The following NXNL2 variants were observed in gnomAD, a reference collection of about 807,000 sequenced individuals.
NXNL2 encodes the protein nucleoredoxin-like protein 2.
A neutral mutation model predicts 11.1 loss-of-function variants in NXNL2; 7 were observed. The ratio of observed to expected loss-of-function variants is 0.63; its 90% CI spans 0.36 to 1.18. NXNL2 has a LOEUF of 1.18. Ranked by LOEUF, NXNL2 falls within the 50% of genes most tolerant of loss-of-function variation. The pLI is 0.02. For missense variants in NXNL2, 233 were observed against 217.7 expected, an observed-to-expected ratio of 1.07 and a Z score of -0.44; for synonymous variants, 109 against 101.8, an observed-to-expected ratio of 1.07 and a Z score of -0.42.
chr9:88,544,219 G>A (rs2118425931), intron 1 of NXNL2, among the ~76,000 whole-genome samples, 160 bp from the exon 2 acceptor site: 2 of 152,212 alleles, frequency 1.3e-5, no homozygotes, highest in South Asian at 4.2e-4. Flanking sequence ...CAAGAAGAAA[G>A]GAGCCCCCAC....
At position 88,535,362 on chromosome 9, in the gene NXNL2, C is replaced by T; in HGVS notation, c.-73C>T. Reference sequence around the variant, plus strand: ...GACAGAGGCGGGGCACCGCGGCGCTCGCCGCCGCCTCCCCGCAGGTGATCA... The same window carrying T: ...GACAGAGGCGGGGCACCGCGGCGCTTGCCGCCGCCTCCCCGCAGGTGATCA... On this transcript the variant is annotated 5_prime_UTR_variant, in exon 1 of 2. Transcript: ENST00000375854. 7.1e-7 allele frequency: 1 copy of T among 1,409,022 alleles called. No homozygotes were observed. The allele number at this position is 1,409,022 out of a possible 1,614,324, so 87.3% of individuals were successfully genotyped here. A position where few individuals can be genotyped will look rare whatever the true frequency, so the allele number is the denominator to read the frequency against.
chr9:88,571,222 T>C (rs562072495), intron 2 of NXNL2: 2 of 248,452 alleles, frequency 8.0e-6, no homozygotes, highest in South Asian at 3.7e-5. Flanking sequence ...CGTGCCACCA[T>C]GCCAGGCTAA....
At chr9:88,558,289 TG>T (rs1300561483) in intron 1 of NXNL2, among the ~76,000 whole-genome samples, 2 of 152,124 alleles carry the variant, frequency 1.3e-5, no homozygotes, top group African/African-American at 4.8e-5. Context: ...GAGCAGAGTT[TG>T]GGGAGTTTCT....
chr9:88,552,681 G>A (rs1829955247), intron 1 of NXNL2, among the ~76,000 whole-genome samples: 1 of 152,114 alleles, frequency 6.6e-6, no homozygotes, highest in Non-Finnish European at 1.5e-5. Flanking sequence ...GTGTTAGCCA[G>A]GATGGTCTCA....
intron 1 of NXNL2, among the ~76,000 whole-genome samples, chr9:88,569,083 C>A (rs957499621): frequency 1.3e-5 from 2 of 152,122 alleles, no homozygotes; most frequent in African/African-American, 4.8e-5. Context: ...TGCACCGCCA[C>A]ACCAGGATAA....
At chr9:88,553,268 C>T (rs973339722) in intron 1 of NXNL2, among the ~76,000 whole-genome samples, 6 of 152,152 alleles carry the variant, frequency 3.9e-5, no homozygotes, top group African/African-American at 1.4e-4. Flanking sequence ...ATTGATTGAA[C>T]CCGGGAAGCG....
intron 2 of NXNL2, among the ~76,000 whole-genome samples, chr9:88,574,468 A>C (rs1830319356): frequency 6.6e-6 from 1 of 152,202 alleles, no homozygotes; most frequent in Non-Finnish European, 1.5e-5. Context: ...TTGGTCCAGA[A>C]AGGAGGGACA....
chr9:88,539,927 C>A (rs13283454), intron 1 of NXNL2: 18,666 of 152,108 alleles, frequency 0.12, 2,623 homozygotes, highest in East Asian at 0.76. Context: ...AGGTGATGCA[C>A]CCATCTTGGC....
At chr9:88,544,125 C>T (rs761030770) in intron 1 of NXNL2, among the ~76,000 whole-genome samples, 3 of 152,108 alleles carry the variant, frequency 2.0e-5, no homozygotes, top group Non-Finnish European at 2.9e-5. Flanking sequence ...GAGCCGAGAT[C>T]GCGCCATTGC....
In NXNL2 at chr9:88,564,998, C is replaced by T. The variant is rs563921325; in HGVS notation, c.303-6089C>T. On this transcript the variant is annotated intron_variant, in intron 1 of 2. Transcript: ENST00000375855. ...TGTGGCACAGATGAAACTTCATATC[C>T]ATTGAGTAGCAACCTCCCATTTTCT... is the stretch of plus-strand genomic sequence containing the variant. 1.1e-4 allele frequency among the ~76,000 whole-genome samples: 16 copies of T among 152,258 alleles called. No homozygotes were observed. The South Asian group carries it at 3.3e-3, about 32-fold the overall frequency.
At chr9:88,536,133 A>C (rs1010221117) in intron 1 of NXNL2, among the ~76,000 whole-genome samples, 2 of 152,132 alleles carry the variant, frequency 1.3e-5, no homozygotes, top group African/African-American at 4.8e-5. Context: ...CCGCTGCGTC[A>C]TCCTCCCAGT....
At chr9:88,549,476 A>C (rs116949755), downstream of NXNL2, among the ~76,000 whole-genome samples, 2 of 152,140 alleles carry the variant, frequency 1.3e-5, no homozygotes, top group Non-Finnish European at 1.5e-5. Context: ...CCTCCATTCT[A>C]TATGTACTCA....
chr9:88,573,039 C>T (rs1400166696), intron 2 of NXNL2, among the ~76,000 whole-genome samples: 6 of 152,160 alleles, frequency 3.9e-5, no homozygotes, highest in East Asian at 1.9e-4. Context: ...CCTGAAGGGC[C>T]GATTTACCTG....
chr9:88,535,826 A>T (rs1280289113), intron 1 of NXNL2, 90 bp downstream of exon 1: 2 of 1,000,146 alleles, frequency 2.0e-6, no homozygotes, highest in South Asian at 1.7e-5. Flanking sequence ...GGAGCTCTTT[A>T]TGACGCCCCC....
At chr9:88,537,968 A>C (rs1829663190) in intron 1 of NXNL2, among the ~76,000 whole-genome samples, 1 of 152,356 alleles carries the variant, frequency 6.6e-6, no homozygotes, top group East Asian at 1.9e-4. Context: ...GGCAGGGACC[A>C]ACGCTGGTTG....
chr9:88,536,195 G>C (rs966369016), intron 1 of NXNL2, among the ~76,000 whole-genome samples: 5 of 152,164 alleles, frequency 3.3e-5, no homozygotes, highest in Admixed American at 3.3e-4. Context: ...GCGGGGATGA[G>C]GGATGACCCG....
At chr9:88,554,424 C>T (rs1829984758) in intron 1 of NXNL2, among the ~76,000 whole-genome samples, 4 of 152,146 alleles carry the variant, frequency 2.6e-5, no homozygotes, top group African/African-American at 9.7e-5. Flanking sequence ...AGGCTGGTCT[C>T]AAACTCCTGA....
intron 1 of NXNL2, among the ~76,000 whole-genome samples, chr9:88,542,641 G>A (rs1176046598): frequency 6.6e-6 from 1 of 152,162 alleles, no homozygotes; most frequent in Non-Finnish European, 1.5e-5. Context: ...GTCTGATTAA[G>A]TGATCTATAT....
intron 1 of NXNL2, among the ~76,000 whole-genome samples, chr9:88,563,649 T>C (rs866849100): frequency 2.4e-4 from 37 of 152,160 alleles, no homozygotes; most frequent in African/African-American, 8.9e-4. Flanking sequence ...TCAGTGCCTT[T>C]AGACTAAAGT....
Sources: gnomAD v4.1 joint callset for allele counts (sites outside exome capture counted in the v4.1 genomes callset) on GRCh38, gnomAD v4.1.1 for gene constraint, MANE v1.5 for transcripts, NCBI Gene and HGNC (gene_info 2026-07-23, HGNC 2026-07-21) for gene names.